Variants in ANKFN1 observed in about 807,000 individuals in gnomAD.
ANKFN1 encodes ankyrin repeat and fibronectin type-III domain-containing protein 1.
A neutral mutation model predicts 108.7 loss-of-function variants in ANKFN1; 74 were observed. The observed-to-expected ratio is 0.68, with a 90% confidence interval of 0.56 to 0.83. The LOEUF is 0.83. ANKFN1 is among the 40% of genes least tolerant of loss of function. ANKFN1 has a pLI of 0.00. For synonymous variants in ANKFN1, 547 were observed against 516.2 expected, an observed-to-expected ratio of 1.06 and a Z score of -0.81; for missense variants, 1,505 against 1,382.3, an observed-to-expected ratio of 1.09 and a Z score of -1.41.
chr17:56,494,562 AT>A (rs2051138432), intron 19 of ANKFN1, among the ~76,000 whole-genome samples: 1 of 152,148 alleles, frequency 6.6e-6, no homozygotes, highest in African/African-American at 2.4e-5. Flanking sequence ...CTCCATCTCT[AT>A]TAAATAAAAA....
At chr17:56,441,281 T>C (rs1487036370) in intron 9 of ANKFN1, among the ~76,000 whole-genome samples, 1 of 152,150 alleles carries the variant, frequency 6.6e-6, no homozygotes, top group Non-Finnish European at 1.5e-5. Context: ...TTTGTTATTA[T>C]TGTTGTTGTT....
At chr17:56,501,068 A>C (rs892642835) in intron 20 of ANKFN1, among the ~76,000 whole-genome samples, 6 of 152,186 alleles carry the variant, frequency 3.9e-5, no homozygotes, top group Admixed American at 2.0e-4. Flanking sequence ...CCAGAAGAAG[A>C]AGCTAGTAAT....
At chr17:56,136,834 T>A (rs1460887071) in intron 4 of ANKFN1, among the ~76,000 whole-genome samples, 1 of 152,196 alleles carries the variant, frequency 6.6e-6, no homozygotes, top group Non-Finnish European at 1.5e-5. Flanking sequence ...AAAAGAAGAA[T>A]ATTAATCATA....
intron 6 of ANKFN1, among the ~76,000 whole-genome samples, chr17:56,362,820 T>G (rs1322128703): frequency 6.6e-6 from 1 of 152,224 alleles, no homozygotes; most frequent in Admixed American, 6.5e-5. Flanking sequence ...ACCTGTGTAT[T>G]GGGAGAAAAT....
chr17:56,299,684 G>A (rs1215468881), intron 3 of ANKFN1, among the ~76,000 whole-genome samples: 1 of 152,098 alleles, frequency 6.6e-6, no homozygotes, highest in Non-Finnish European at 1.5e-5. Context: ...TCTGTAGAAT[G>A]GAGATAGTTG....
intron 15 of ANKFN1, among the ~76,000 whole-genome samples, chr17:56,473,867 GT>G (rs2050409354): frequency 6.6e-6 from 1 of 151,988 alleles, no homozygotes; most frequent in African/African-American, 2.4e-5. Flanking sequence ...AATGCTGTTG[GT>G]TTTTATATAA....
intron 1 of ANKFN1, among the ~76,000 whole-genome samples, chr17:56,198,431 A>G (rs759080791): frequency 6.6e-6 from 1 of 152,090 alleles, no homozygotes; most frequent in Non-Finnish European, 1.5e-5. Flanking sequence ...TCAGGCAGTA[A>G]TATGAGTGAT....
intron 16 of ANKFN1, among the ~76,000 whole-genome samples, chr17:56,479,749 T>C (rs1044932117): frequency 3.9e-5 from 6 of 152,234 alleles, no homozygotes; most frequent in African/African-American, 1.4e-4. Flanking sequence ...TGGGAACATA[T>C]GTCAGCACCT....
chr17:56,048,416 A>G (rs1402271469), intron 4 of ANKFN1, among the ~76,000 whole-genome samples: 1 of 152,216 alleles, frequency 6.6e-6, no homozygotes, highest in African/African-American at 2.4e-5. Flanking sequence ...TATTTTCCAA[A>G]ATCATCAATA....
chr17:56,414,456 A>G (rs2048182473), intron 8 of ANKFN1, among the ~76,000 whole-genome samples: 2 of 152,346 alleles, frequency 1.3e-5, no homozygotes, highest in South Asian at 4.1e-4. Context: ...GGAAAACTAC[A>G]GGCCAATATT....
intron 4 of ANKFN1, among the ~76,000 whole-genome samples, chr17:56,330,382 G>GC (rs1384892319): frequency 6.6e-6 from 1 of 152,086 alleles, no homozygotes; most frequent in Non-Finnish European, 1.5e-5. Flanking sequence ...GGGGGAAACC[G>GC]CCCCCACGAT....
At chr17:56,094,469 T>G (rs1905479730) in intron 4 of ANKFN1, among the ~76,000 whole-genome samples, 1 of 132,486 alleles carries the variant, frequency 7.5e-6, no homozygotes. Context: ...TCTCAGTTGT[T>G]TCTTCTTTTT....
At chr17:56,372,583 C>A in intron 6 of ANKFN1, 63 bp from the exon 7 acceptor site, 5 of 1,377,358 alleles carry the variant, frequency 3.6e-6, no homozygotes, top group Non-Finnish European at 4.0e-6. Flanking sequence ...TGGGATATAT[C>A]CTTCCAATGA....
chr17:56,123,556 GGGCCTT>G (rs1401726166), intron 4 of ANKFN1, among the ~76,000 whole-genome samples: 1 of 152,130 alleles, frequency 6.6e-6, no homozygotes, highest in African/African-American at 2.4e-5. Flanking sequence ...GGAGCCGCAT[GGGCCTT>G]TATCCAGTGA....
In ANKFN1 at chr17:56,060,482, C is replaced by T. The variant is rs562039096; in HGVS notation, c.288+14157C>T. Among the ~76,000 whole-genome samples the T allele has an allele frequency of 9.9e-4, 150 of 152,102 alleles. 1 individual carries two copies. The highest frequency in any genetic ancestry group is 3.2e-3 in the African/African-American group (134 of 41,508). ...CCAATACTATGTTGAATAGGAGTGG[C>T]GAGAGAGGGGATCCTTTTCTTGTAC... is the stretch of plus-strand genomic sequence containing the variant. On this transcript the variant is annotated intron_variant, in intron 4 of 12. Coordinates refer to the ANKFN1 transcript ENST00000635860.
intron 4 of ANKFN1, among the ~76,000 whole-genome samples, chr17:56,138,612 C>T (rs983412213): frequency 2.6e-5 from 4 of 151,294 alleles, no homozygotes; most frequent in Admixed American, 1.3e-4. Context: ...TGCATTCAAG[C>T]GATTCTCCTG....
chr17:56,114,760 T>C (rs1315279619), intron 4 of ANKFN1, among the ~76,000 whole-genome samples: 1 of 152,168 alleles, frequency 6.6e-6, no homozygotes. Context: ...AGAGAGATTA[T>C]CCTATATTAT....
rs573901674 is a variant in ANKFN1, at chr17:56,090,205, GTA to G, written c.288+43882_288+43883del. Among the ~76,000 whole-genome samples, 48 of 151,356 alleles carry G rather than the reference GTA, an allele frequency of 3.2e-4. 1 individual carries two copies. In the South Asian group the frequency reaches 0.01, roughly 32 times the overall value. ...GGAGTGAAATGGGGCGCTGTATAGT[GTA>G]TGAGCCAGAATGTGAGCACTGAGTA... is the stretch of plus-strand genomic sequence containing the variant. On this transcript the variant is annotated intron_variant, in intron 4 of 12. Coordinates refer to the ANKFN1 transcript ENST00000635860.
At chr17:56,393,964 C>G (rs1262565923) in intron 8 of ANKFN1, among the ~76,000 whole-genome samples, 2 of 152,182 alleles carry the variant, frequency 1.3e-5, no homozygotes, top group Non-Finnish European at 2.9e-5. Context: ...CATGATGTAT[C>G]AGGTAGTGCA....
Sources: gnomAD v4.1 joint callset for allele counts (sites outside exome capture counted in the v4.1 genomes callset) on GRCh38, gnomAD v4.1.1 for gene constraint, MANE v1.5 for transcripts, NCBI Gene and HGNC (gene_info 2026-07-23, HGNC 2026-07-21) for gene names.